The following FOSB variants were observed in gnomAD, a reference collection of about 807,000 sequenced individuals.
FOSB encodes protein FosB.
A neutral mutation model predicts 31.1 loss-of-function variants in FOSB; 8 were observed. The observed-to-expected ratio is 0.26, with a 90% CI of 0.15 to 0.46. FOSB has a LOEUF of 0.46. Ranked by LOEUF, FOSB falls within the 20% of genes least tolerant of loss-of-function variation. The pLI, the probability that FOSB is intolerant of heterozygous loss-of-function variation, is 0.99. For missense variants in FOSB, 376 were observed against 460.6 expected, an observed-to-expected ratio of 0.82 and a Z score of 1.68; for synonymous variants, 214 against 206.1, an observed-to-expected ratio of 1.04 and a Z score of -0.33.
At position 45,473,979 on chromosome 19, in the gene FOSB, G is replaced by A. The variant is rs1350732436; in HGVS notation, c.*967G>A. Reference sequence around the variant, plus strand: ...GGGGATAATGTCCCCACTCCCGAAAGCCTTTCCTCGGTCTCCCTTCCGTCC... The same window carrying A: ...GGGGATAATGTCCCCACTCCCGAAAACCTTTCCTCGGTCTCCCTTCCGTCC... On this transcript the variant is annotated 3_prime_UTR_variant, in exon 4 of 4. Coordinates refer to ENST00000353609, the MANE Select transcript of FOSB (RefSeq NM_006732.3). The A allele has an allele frequency of 1.1e-4, 17 of 152,874 alleles. 1 individual carries two copies. In the Admixed American group the frequency reaches 1.1e-3, roughly 10 times the overall value. 9.5% of individuals were successfully genotyped at this position (152,874 alleles called of 1,614,324 possible). A position where few individuals can be genotyped will look rare whatever the true frequency, so the allele number is the denominator to read the frequency against.
rs183683887 is a variant in FOSB, at chr19:45,470,655, C to T, written c.153C>T (p.Pro51=). ...SQECAGLGEM[P]GSFVPTVTAI... Reference sequence around the variant, plus strand: ...AGTGCGCCGGTCTCGGGGAAATGCCCGGTTCCTTCGTGCCCACGGTCACCG... The same window carrying T: ...AGTGCGCCGGTCTCGGGGAAATGCCTGGTTCCTTCGTGCCCACGGTCACCG... The change falls in exon 2 of 4, where the codon CCC becomes CCT. Residue 51 remains proline, a synonymous_variant. Transcript: ENST00000353609. 11 of 1,611,278 alleles carry T rather than the reference C, an allele frequency of 6.8e-6. No individual in the cohort carries two copies. In the Admixed American group the frequency reaches 1.3e-4, roughly 20 times the overall value.
In FOSB at chr19:45,470,609, GTGTA is replaced by G. The variant is rs1242694632; in HGVS notation, c.127-16_127-13del. Reference sequence around the variant, plus strand: ...TTTGTTTGTGTGTCTACGCCTGTGTGTGTATGTGTCACCCCGTAGGAGTGCGCCG... The same window carrying G: ...TTTGTTTGTGTGTCTACGCCTGTGTGTGTGTCACCCCGTAGGAGTGCGCCG... On this transcript the variant is annotated splice_polypyrimidine_tract_variant and intron_variant, in intron 1 of 3. Transcript: ENST00000353609. 5 of 1,586,500 alleles carry G rather than the reference GTGTA, an allele frequency of 3.2e-6. No homozygotes were observed. Among genetic ancestry groups the G allele is most frequent in the Admixed American group, 1.7e-5 (1 of 58,532 alleles).
intron 3 of FOSB, 199 bp downstream of exon 3, chr19:45,471,500 C>CCCCCG (rs1490389408): frequency 6.9e-6 from 3 of 435,824 alleles, no homozygotes; most frequent in Non-Finnish European, 1.3e-5. Context: ...TCCTGGTCCC[C>CCCCCG]CCCCCATTTC....
At chr19:45,471,500 C>CCCA (rs1967668168) in intron 3 of FOSB, 199 bp downstream of exon 3, 1 of 435,950 alleles carries the variant, frequency 2.3e-6, no homozygotes. Flanking sequence ...TCCTGGTCCC[C>CCCA]CCCCCATTTC....
At position 45,472,657 on chromosome 19, in the gene FOSB, G is replaced by A. The variant is rs749313484; in HGVS notation, c.662G>A (p.Gly221Asp). ...TTTGTGCTGGTGGCCCACAAACCGG[G>A]CTGCAAGATCCCCTACGAAGAGGGG... ...LEFVLVAHKP[G>D]CKIPYEEGPG... is the part of the protein sequence containing the mutation. The change falls in exon 4 of 4, where the codon GGC becomes GAC. Residue 221 changes from glycine (G) to aspartate (D), a missense_variant. Around this residue, in one of 3 missense-constraint regions of FOSB, gnomAD observed 148 missense variants for 170.0 expected, o/e 0.87. Coordinates refer to ENST00000353609, the MANE Select transcript of FOSB (RefSeq NM_006732.3). This position sits in a 1 kb window ranked among gnomAD's most constrained non-coding sequence, Gnocchi z 5.4. 4 of 1,595,208 alleles carry A rather than the reference G, an allele frequency of 2.5e-6. No individual in the cohort carries two copies. The highest frequency in any genetic ancestry group is 1.4e-5 in the African/African-American group (1 of 73,844).
Position 45,472,601 on chromosome 19 carries a change from C to A in FOSB, c.606C>A (p.Ala202=), listed in dbSNP as rs1278106930. 9 of 1,534,994 alleles carry A rather than the reference C, an allele frequency of 5.9e-6. No individual in the cohort carries two copies. The highest frequency in any genetic ancestry group is 1.9e-4 in the Middle Eastern group (1 of 5,404). The change falls in exon 4 of 4, where the codon GCC becomes GCA. Residue 202 remains alanine, a synonymous_variant. Coordinates refer to ENST00000353609, the MANE Select transcript of FOSB (RefSeq NM_006732.3). The surrounding 1 kb of genome is among the most constrained non-coding windows in gnomAD (Gnocchi z 5.4). ...EEKAELESEI[A]ELQKEKERLE... ...AAGCAGAGCTGGAGTCGGAGATCGC[C>A]GAGCTCCAAAAGGAGAAGGAACGTC...
Position 45,474,734 on chromosome 19 carries a change from C to G in FOSB, c.*1722C>G, listed in dbSNP as rs1008688902. The G allele has an allele frequency of 6.6e-6, 1 of 152,086 alleles. No individual in the cohort carries two copies. The highest frequency in any genetic ancestry group is 1.5e-5 in the Non-Finnish European group (1 of 68,040). 9.4% of individuals were successfully genotyped at this position (152,086 alleles called of 1,614,324 possible). A position where few individuals can be genotyped will look rare whatever the true frequency, so the allele number is the denominator to read the frequency against. ...TTCTAGAAACTCTGGCTCAGCCTGT[C>G]TCGGGCTGACCCTTTTCTGATCGTC... On this transcript the variant is annotated 3_prime_UTR_variant, in exon 4 of 4. Coordinates refer to ENST00000353609, the MANE Select transcript of FOSB (RefSeq NM_006732.3).
intron 1 of FOSB, chr19:45,470,142 C>T (rs1967592594): frequency 6.1e-6 from 1 of 163,726 alleles, no homozygotes; most frequent in African/African-American, 2.4e-5. Flanking sequence ...GGACCCCCGC[C>T]CCTGCATGGG....
In FOSB at chr19:45,471,308, A is replaced by C; in HGVS notation, c.555+7A>C. ...GACCGACCGACTCCAGGCGGTGAGG[A>C]CAGGCCCTGGGGTGGGAGAGGGGAT... On this transcript the variant is annotated splice_region_variant and intron_variant, in intron 3 of 3. Transcript: ENST00000353609. The C allele has an allele frequency of 6.5e-7, 1 of 1,550,298 alleles. No homozygotes were observed.
At chr19:45,470,544 G>T (rs1967611058) in intron 1 of FOSB, 85 bp from the exon 2 acceptor site, 8 of 1,353,576 alleles carry the variant, frequency 5.9e-6, no homozygotes, top group Non-Finnish European at 8.1e-6. Context: ...TCACGGGGTC[G>T]GTGTGTGTTA....
At position 45,468,600 on chromosome 19, in the gene FOSB, T is replaced by A; in HGVS notation, c.14T>A (p.Phe5Tyr). MFQA[F>Y]PGDYDSGSRC... ...GTGCCCAGGGAAATGTTTCAGGCTT[T>A]CCCCGGAGACTACGACTCCGGCTCC... Residue 5 changes from phenylalanine to tyrosine, a missense_variant, in exon 1 of 4, where the codon TTC becomes TAC. Physicochemically the swap from Phe to Tyr is conservative, Grantham distance 22 (BLOSUM62 3). This residue lies in a region of FOSB where 193 missense variants were observed against 207.1 expected (regional missense o/e 0.93). Transcript: ENST00000353609. The surrounding 1 kb of genome is among the most constrained non-coding windows in gnomAD (Gnocchi z 4.8). 6.2e-7 allele frequency: 1 copy of A among 1,612,422 alleles called. No homozygotes were observed. Among genetic ancestry groups the A allele is most frequent in the Non-Finnish European group, 8.5e-7 (1 of 1,179,584 alleles).
Position 45,468,569 on chromosome 19 carries a change from C to T in FOSB, c.-18C>T, listed in dbSNP as rs201439992. ...GCGACCTCAGCGTGGTCACAGGGGC[C>T]CCCCTGTGCCCAGGGAAATGTTTCA... On this transcript the variant is annotated 5_prime_UTR_variant, in exon 1 of 4. Transcript: ENST00000353609. This position sits in a 1 kb window ranked among gnomAD's most constrained non-coding sequence, Gnocchi z 4.8. 1 of 1,598,318 alleles carries T rather than the reference C, an allele frequency of 6.3e-7. No individual in the cohort carries two copies. The highest frequency in any genetic ancestry group is 8.5e-7 in the Non-Finnish European group (1 of 1,174,890).
At position 45,468,217 on chromosome 19, in the gene FOSB, C is replaced by T. The variant is rs1385785554; in HGVS notation, c.-370C>T. The T allele has an allele frequency of 1.6e-5, 3 of 183,306 alleles. No individual in the cohort carries two copies. The highest frequency in any genetic ancestry group is 6.2e-5 in the Admixed American group (1 of 16,256). The allele number at this position is 183,306 out of a possible 1,614,324, so 11.4% of individuals were successfully genotyped here. ...TTATTACTCCCCTCCCCCCGTGGGACCCGCCGGACGCGTGGAGGAGACCGT... is the reference window on the plus strand; with the variant it reads ...TTATTACTCCCCTCCCCCCGTGGGATCCGCCGGACGCGTGGAGGAGACCGT... On this transcript the variant is annotated 5_prime_UTR_variant, in exon 1 of 4. Coordinates refer to ENST00000353609, the MANE Select transcript of FOSB (RefSeq NM_006732.3). The surrounding 1 kb of genome is among the most constrained non-coding windows in gnomAD (Gnocchi z 4.8).
chr19:45,469,431 C>T (rs1438853328), intron 1 of FOSB, among the ~76,000 whole-genome samples: 2 of 152,246 alleles, frequency 1.3e-5, no homozygotes, highest in Non-Finnish European at 2.9e-5. Flanking sequence ...TCAGCTTTCC[C>T]TTCCTATTTG....
chr19:45,472,476 C>A lies in FOSB; in HGVS notation c.556-75C>A. On this transcript the variant is annotated intron_variant, in intron 3 of 3. Coordinates refer to ENST00000353609, the MANE Select transcript of FOSB (RefSeq NM_006732.3). The surrounding 1 kb of genome is among the most constrained non-coding windows in gnomAD (Gnocchi z 5.4). ...GCAGCAAGTCCAAGGGAGCCATGAC[C>A]CGAGTTTCCCGGTCACTGACATGCT... 1 of 1,263,888 alleles carries A rather than the reference C, an allele frequency of 7.9e-7. No homozygotes were observed. Among genetic ancestry groups the A allele is most frequent in the Non-Finnish European group, 1.1e-6 (1 of 937,750 alleles). 78.3% of individuals were successfully genotyped at this position (1,263,888 alleles called of 1,614,324 possible).
intron 1 of FOSB, chr19:45,469,855 C>CT (rs1967575107): frequency 6.7e-6 from 1 of 149,624 alleles, no homozygotes; most frequent in African/African-American, 2.5e-5. Flanking sequence ...CGAGCCAGCC[C>CT]TTCCCTCACC....
Position 45,470,621 on chromosome 19 carries a change from C to T in FOSB, c.127-8C>T. 6.3e-7 allele frequency: 1 copy of T among 1,597,136 alleles called. No homozygotes were observed. The highest frequency in any genetic ancestry group is 8.5e-7 in the Non-Finnish European group (1 of 1,172,098). ...TCTACGCCTGTGTGTGTATGTGTCACCCCGTAGGAGTGCGCCGGTCTCGGG... is the reference window on the plus strand; with the variant it reads ...TCTACGCCTGTGTGTGTATGTGTCATCCCGTAGGAGTGCGCCGGTCTCGGG... On this transcript the variant is annotated splice_region_variant and splice_polypyrimidine_tract_variant and intron_variant, in intron 1 of 3. Transcript: ENST00000353609.
At position 45,473,357 on chromosome 19, in the gene FOSB, C is replaced by G; in HGVS notation, c.*345C>G. 3 of 105,988 alleles carry G rather than the reference C, an allele frequency of 2.8e-5. No individual in the cohort carries two copies. Among genetic ancestry groups the G allele is most frequent in the Middle Eastern group, 4.9e-3 (1 of 204 alleles). The allele number at this position is 105,988 out of a possible 1,614,324, so 6.6% of individuals were successfully genotyped here. ...GAGGGGGGCGGGTGACGCCCACCTT[C>G]GGGCAGTCCTGTGTGAGGATTAAGG... On this transcript the variant is annotated 3_prime_UTR_variant, in exon 4 of 4. Coordinates refer to ENST00000353609, the MANE Select transcript of FOSB (RefSeq NM_006732.3).
Position 45,474,397 on chromosome 19 carries a change from T to C in FOSB, c.*1385T>C, listed in dbSNP as rs989409445. On this transcript the variant is annotated 3_prime_UTR_variant, in exon 4 of 4. Transcript: ENST00000353609. The stretch of plus-strand genomic sequence containing the variant: ...ACCCCGCCGTTCCCTGCGCTTCATC[T>C]CATGAGGATTTCTTTATGAGGCAAA... 2.0e-5 allele frequency: 3 copies of C among 152,384 alleles called. No homozygotes were observed. Among genetic ancestry groups the C allele is most frequent in the African/African-American group, 7.3e-5 (3 of 41,336 alleles). The allele number at this position is 152,384 out of a possible 1,614,324, so 9.4% of individuals were successfully genotyped here.
Sources: allele counts gnomAD v4.1 joint callset (sites outside exome capture counted in the v4.1 genomes callset), GRCh38; gene constraint gnomAD v4.1.1; regional missense constraint gnomAD v4.1.1; non-coding constraint Gnocchi (gnomAD v3.1); transcripts MANE v1.5; gene names NCBI Gene and HGNC (gene_info 2026-07-23, HGNC 2026-07-21).